PPEF1: variants seen among roughly 807,000 people sequenced by gnomAD.
PPEF1 encodes serine/threonine-protein phosphatase with EF-hands 1.
PPEF1 carries 12 observed loss-of-function variants against 53.3 expected under a neutral mutation model. The ratio of observed to expected loss-of-function variants is 0.23; its 90% CI spans 0.14 to 0.36. The LOEUF (loss-of-function observed/expected upper bound fraction) is 0.36. Ranked by LOEUF, PPEF1 falls within the 10% of genes least tolerant of loss-of-function variation. PPEF1 has a pLI of 1.00. For missense variants in PPEF1, 334 were observed against 490.4 expected (o/e 0.68, Z 3.01); for synonymous variants, 165 against 176.7 (o/e 0.93, Z 0.52).
At chrX:18,685,528 AC>A in intron 2 of PPEF1, among the ~76,000 whole-genome samples, 1 of 110,221 alleles carries the variant, frequency 9.1e-6, no homozygotes. Flanking sequence ...TACTAAAAAT[AC>A]AAAAAATTAG....
intron 3 of PPEF1, among the ~76,000 whole-genome samples, chrX:18,686,900 G>A (rs1309513050): frequency 2.7e-5 from 3 of 110,897 alleles, no homozygotes; most frequent in Non-Finnish European, 3.8e-5. Context: ...CACATGATAC[G>A]AAGCCAGGAG....
intron 9 of PPEF1, among the ~76,000 whole-genome samples, chrX:18,786,609 C>T (rs1192704018): frequency 1.0e-4 from 11 of 108,521 alleles, no homozygotes; most frequent in Non-Finnish European, 2.1e-4. Context: ...AAGGTGAAAC[C>T]CTGTCCTTAC....
intron 12 of PPEF1, among the ~76,000 whole-genome samples, chrX:18,812,266 T>A (rs754139162): frequency 4.5e-5 from 5 of 112,024 alleles, no homozygotes; most frequent in African/African-American, 6.5e-5. Context: ...TTGGCACTCT[T>A]GTCAAAAATC....
At chrX:18,736,965 C>T (rs1226087166) in intron 3 of PPEF1, among the ~76,000 whole-genome samples, 13 of 111,792 alleles carry the variant, frequency 1.2e-4, no homozygotes, top group African/African-American at 3.9e-4. Context: ...TCTGTGGGAT[C>T]GGTGGTGATA....
intron 12 of PPEF1, among the ~76,000 whole-genome samples, chrX:18,816,115 T>C (rs909712111): frequency 1.6e-4 from 18 of 110,804 alleles, no homozygotes; most frequent in African/African-American, 5.9e-4. Flanking sequence ...TTGAGATCTT[T>C]TTTCTTTTTT....
At chrX:18,738,878 ATCT>A in intron 3 of PPEF1, among the ~76,000 whole-genome samples, 1 of 111,355 alleles carries the variant, frequency 9.0e-6, no homozygotes, top group Middle Eastern at 4.6e-3. Flanking sequence ...CATTCATTTG[ATCT>A]TCAATCACTG....
At chrX:18,727,514 A>G (rs1171025003) in intron 1 of PPEF1, among the ~76,000 whole-genome samples, 1 of 110,769 alleles carries the variant, frequency 9.0e-6, no homozygotes, top group African/African-American at 3.3e-5. Flanking sequence ...CACAGCAATC[A>G]TCAACACAGA....
chrX:18,754,820 C>T (rs763615500), intron 4 of PPEF1, among the ~76,000 whole-genome samples: 1 of 111,579 alleles, frequency 9.0e-6, no homozygotes, highest in Non-Finnish European at 1.9e-5. Flanking sequence ...AGGCTGGTCT[C>T]GAACTCCTGG....
chrX:18,719,428 C>T (rs2044532232), intron 1 of PPEF1, among the ~76,000 whole-genome samples: 1 of 108,318 alleles, frequency 9.2e-6, no homozygotes, highest in Non-Finnish European at 1.9e-5. Flanking sequence ...CTCACTGCAG[C>T]CTCAACCTCC....
intron 12 of PPEF1, among the ~76,000 whole-genome samples, chrX:18,817,068 A>ATATGTGTG (rs1491253769): frequency 0.32 from 32,224 of 99,725 alleles, 4,378 homozygotes; most frequent in Non-Finnish European, 0.44. Context: ...TCATTTTGCC[A>ATATGTGTG]TGTGTGTGTG....
upstream of PPEF1, among the ~76,000 whole-genome samples, chrX:18,704,803 T>G (rs1019310139): frequency 1.9e-4 from 21 of 111,426 alleles, no homozygotes; most frequent in African/African-American, 6.5e-4. Context: ...TCAAATTATC[T>G]GGGGGTGGGA....
upstream of PPEF1, among the ~76,000 whole-genome samples, chrX:18,704,348 G>A (rs761618978): frequency 1.6e-4 from 18 of 111,698 alleles, no homozygotes; most frequent in African/African-American, 5.8e-4. Context: ...GGGATTCCTT[G>A]CATCAAAGTT....
chrX:18,693,976 C>A (rs927448824), intron 4 of PPEF1, among the ~76,000 whole-genome samples: 3 of 111,575 alleles, frequency 2.7e-5, no homozygotes, highest in African/African-American at 9.8e-5. Flanking sequence ...TAGTCACTCC[C>A]CTCCCTCACC....
intron 6 of PPEF1, among the ~76,000 whole-genome samples, chrX:18,771,515 T>C (rs5955509): frequency 0.48 from 53,251 of 110,388 alleles, 9,607 homozygotes; most frequent in Non-Finnish European, 0.54. Context: ...TATGAGACTG[T>C]ATCCTGTGAC....
chrX:18,727,334 G>A (rs752129270), intron 1 of PPEF1, among the ~76,000 whole-genome samples: 2 of 111,160 alleles, frequency 1.8e-5, no homozygotes, highest in South Asian at 3.8e-4. Context: ...TCATGATAGC[G>A]ACTGTCCCAC....
At chrX:18,706,195 G>C (rs2044192153), upstream of PPEF1, among the ~76,000 whole-genome samples, 1 of 99,443 alleles carries the variant, frequency 1.0e-5, no homozygotes, top group Non-Finnish European at 2.0e-5. Context: ...TCCATCCTGG[G>C]TGACAGAGTG....
At chrX:18,739,192 T>C (rs2045078781) in intron 3 of PPEF1, among the ~76,000 whole-genome samples, 1 of 112,662 alleles carries the variant, frequency 8.9e-6, no homozygotes, top group African/African-American at 3.2e-5. Flanking sequence ...CTGCGTTCCT[T>C]TGGAGGAGAA....
At chrX:18,734,498 T>C (rs919190891) in intron 3 of PPEF1, among the ~76,000 whole-genome samples, 1 of 111,262 alleles carries the variant, frequency 9.0e-6, no homozygotes, top group Non-Finnish European at 1.9e-5. Flanking sequence ...ATGGTGTATA[T>C]GTGCCACATT....
Position 18,714,269 on chromosome X carries a change from G to GTTTTTT in PPEF1, c.46+6445_46+6450dup, listed in dbSNP as rs752286222. 1.1e-4 allele frequency among the ~76,000 whole-genome samples: 7 copies of GTTTTTT among 61,933 alleles called. 1 individual carries two copies. The highest frequency in any genetic ancestry group is 1.9e-4 in the Admixed American group (1 of 5,356). 53.8% of individuals were successfully genotyped at this position (61,933 alleles called of 115,157 possible). On this transcript the variant is annotated intron_variant, in intron 1 of 15. Coordinates refer to ENST00000470157, the MANE Select transcript of PPEF1 (RefSeq NM_001377996.1). ...GTGGTACTTGGTAAGTTTGTTTTTC[G>GTTTTTT]TTTTTTTGTTTTTTTTTTTTGAGAT...
Sources: allele counts gnomAD v4.1 joint callset (sites outside exome capture counted in the v4.1 genomes callset), GRCh38; gene constraint gnomAD v4.1.1; transcripts MANE v1.5; gene names NCBI Gene and HGNC (gene_info 2026-07-23, HGNC 2026-07-21).